RANBP2: variants seen among roughly 807,000 people sequenced by gnomAD.
RANBP2 encodes E3 SUMO-protein ligase RanBP2.
Under a neutral mutation model 303.6 loss-of-function variants are expected in RANBP2, and 57 were observed. The observed-to-expected ratio is 0.19, with a 90% confidence interval of 0.15 to 0.23. The LOEUF is 0.23. Among genes scored for constraint, RANBP2 ranks in the 10% least tolerant of loss-of-function variants. The probability of loss-of-function intolerance (pLI) is 1.00; values close to 1 mark genes in which losing one functional copy is unlikely to be tolerated. For missense variants in RANBP2, 3,138 were observed against 3,780.8 expected (o/e 0.83, Z 4.46); for synonymous variants, 1,167 against 1,301.5 (o/e 0.90, Z 2.23).
At chr2:109,372,747 T>G in the RANBP2 span, among the ~76,000 whole-genome samples, 1 of 152,198 alleles carries the variant, frequency 6.6e-6, no homozygotes, top group South Asian at 2.1e-4. Flanking sequence ...CTCTGGCTAA[T>G]GAACTGCAGT....
At chr2:108,835,667 T>G in the RANBP2 span, among the ~76,000 whole-genome samples, 146 of 152,324 alleles carry the variant, frequency 9.6e-4, no homozygotes, top group African/African-American at 3.3e-3. Flanking sequence ...CATAAAAAAT[T>G]TATTATCTTA....
chr2:109,632,919 G>A, the RANBP2 span, among the ~76,000 whole-genome samples: 4 of 152,212 alleles, frequency 2.6e-5, no homozygotes, highest in East Asian at 7.7e-4. Context: ...AATTCTTTCA[G>A]TTCCCAACTC....
chr2:109,705,205 G>A, the RANBP2 span, among the ~76,000 whole-genome samples: 6 of 152,054 alleles, frequency 3.9e-5, no homozygotes, highest in Non-Finnish European at 8.8e-5. Flanking sequence ...GGGAGTTCTA[G>A]ACCAGCCTGA....
At chr2:109,147,462 A>G in the RANBP2 span, among the ~76,000 whole-genome samples, 5 of 152,220 alleles carry the variant, frequency 3.3e-5, no homozygotes, top group Admixed American at 1.3e-4. Flanking sequence ...GTGCGTATTT[A>G]TAATTTTCCA....
the RANBP2 span, among the ~76,000 whole-genome samples, chr2:109,028,054 G>C: frequency 6.6e-6 from 1 of 152,240 alleles, no homozygotes; most frequent in Non-Finnish European, 1.5e-5. Context: ...CAGACATCTT[G>C]AGCCCAGGAG....
the RANBP2 span, among the ~76,000 whole-genome samples, chr2:109,153,329 CT>C: frequency 2.6e-5 from 4 of 152,084 alleles, no homozygotes; most frequent in African/African-American, 7.2e-5. Context: ...AATTGCATGC[CT>C]TTTTTTCTCT....
the RANBP2 span, among the ~76,000 whole-genome samples, chr2:109,634,350 T>C: frequency 0.011 from 1,737 of 151,722 alleles, 15 homozygotes; most frequent in Non-Finnish European, 0.017. Context: ...AGAGAAGACA[T>C]TAAAAAAAGC....
At chr2:109,589,462 G>A in the RANBP2 span, among the ~76,000 whole-genome samples, 27 of 152,150 alleles carry the variant, frequency 1.8e-4, no homozygotes, top group Admixed American at 7.2e-4. Flanking sequence ...AACCTGAGGC[G>A]GAAGTTGCAG....
At chr2:109,300,414 A>G in the RANBP2 span, among the ~76,000 whole-genome samples, 38 of 152,190 alleles carry the variant, frequency 2.5e-4, no homozygotes, top group Middle Eastern at 3.4e-3. Context: ...TCCTCACCTC[A>G]AGTGATCCAC....
At chr2:109,059,779 C>G in the RANBP2 span, among the ~76,000 whole-genome samples, 3 of 152,090 alleles carry the variant, frequency 2.0e-5, no homozygotes. Context: ...CACAGCAGAT[C>G]CTGGGATGCA....
At chr2:108,791,859 A>G in the RANBP2 span, 1 of 1,486,962 alleles carries the variant, frequency 6.7e-7, no homozygotes, top group East Asian at 2.3e-5. Flanking sequence ...AGTAGAGTAA[A>G]TGAAGCTTCC....
chr2:109,574,650 G>A, the RANBP2 span: 3 of 1,607,904 alleles, frequency 1.9e-6, no homozygotes, highest in Admixed American at 3.4e-5. Context: ...GTGAAATGAA[G>A]TAGAGACACA....
chr2:109,723,133 A>G, the RANBP2 span, among the ~76,000 whole-genome samples: 1 of 152,022 alleles, frequency 6.6e-6, no homozygotes, highest in African/African-American at 2.4e-5. Flanking sequence ...ATCTGTTGTT[A>G]TTATTGGCAT....
the RANBP2 span, among the ~76,000 whole-genome samples, chr2:109,231,226 G>C: frequency 6.6e-6 from 1 of 152,364 alleles, no homozygotes; most frequent in Non-Finnish European, 1.5e-5. Context: ...TCTTCATCCA[G>C]GGGCTGTTTC....
the RANBP2 span, among the ~76,000 whole-genome samples, chr2:109,031,636 G>C: frequency 3.9e-5 from 6 of 152,104 alleles, no homozygotes; most frequent in Non-Finnish European, 4.4e-5. Flanking sequence ...CCTGCAGCTC[G>C]GCCGGGAAGC....
the RANBP2 span, among the ~76,000 whole-genome samples, chr2:109,199,043 T>C: frequency 6.6e-6 from 1 of 152,204 alleles, no homozygotes; most frequent in East Asian, 1.9e-4. Flanking sequence ...TCTTGAGTTT[T>C]TCTACACAGT....
chr2:109,629,342 T>G, the RANBP2 span, among the ~76,000 whole-genome samples: 2 of 9,646 alleles, frequency 2.1e-4, no homozygotes, highest in Non-Finnish European at 5.2e-4. Context: ...TATATATATA[T>G]ATATATATAT....
At chr2:109,596,525 G>C in the RANBP2 span, among the ~76,000 whole-genome samples, 3 of 152,114 alleles carry the variant, frequency 2.0e-5, no homozygotes, top group African/African-American at 7.2e-5. Flanking sequence ...GCTGAGGCAG[G>C]AGAATGGCGT....
chr2:109,160,972 C>T, the RANBP2 span, among the ~76,000 whole-genome samples: 1 of 152,032 alleles, frequency 6.6e-6, no homozygotes, highest in East Asian at 1.9e-4. Flanking sequence ...GGCAGGGGCT[C>T]AGAGAGGTGG....
Sources: allele counts gnomAD v4.1 joint callset (sites outside exome capture counted in the v4.1 genomes callset), GRCh38; gene constraint gnomAD v4.1.1; transcripts MANE v1.5; gene names NCBI Gene and HGNC (gene_info 2026-07-23, HGNC 2026-07-21).